Variants in LTBP1 observed in about 807,000 individuals in gnomAD.
The protein encoded by LTBP1 is latent transforming growth factor beta binding protein 1, also known as latent-transforming growth factor beta-binding protein 1.
Under a neutral mutation model 207.6 loss-of-function variants are expected in LTBP1, and 129 were observed. The observed-to-expected ratio is 0.62, with a 90% CI of 0.54 to 0.72. LTBP1 has a LOEUF of 0.72. LTBP1 is among the 30% of genes least tolerant of loss of function. The pLI is 0.00. For missense variants in LTBP1, 2,281 were observed against 2,217.2 expected, an observed-to-expected ratio of 1.03 and a Z score of -0.58; for synonymous variants, 963 against 833.7, an observed-to-expected ratio of 1.16 and a Z score of -2.67.
chr2:33,172,299 A>G (rs1445186875), intron 5 of LTBP1, among the ~76,000 whole-genome samples: 1 of 152,208 alleles, frequency 6.6e-6, no homozygotes, highest in African/African-American at 2.4e-5. Context: ...AAATAAAAGG[A>G]TGGAAGAAGA....
At chr2:33,080,781 C>G (rs1196329665) in intron 3 of LTBP1, among the ~76,000 whole-genome samples, 2 of 152,194 alleles carry the variant, frequency 1.3e-5, no homozygotes, top group East Asian at 1.9e-4. Flanking sequence ...CACATACATA[C>G]ACTTTCTTCA....
intron 4 of LTBP1, among the ~76,000 whole-genome samples, chr2:33,128,474 A>C (rs1304739087): frequency 6.6e-6 from 1 of 152,258 alleles, no homozygotes; most frequent in African/African-American, 2.4e-5. Flanking sequence ...ACATCTGCAC[A>C]TCCGGGTCCT....
chr2:33,204,929 A>G (rs555074136), intron 7 of LTBP1, among the ~76,000 whole-genome samples: 109 of 152,292 alleles, frequency 7.2e-4, no homozygotes, highest in African/African-American at 2.5e-3. Flanking sequence ...CTCTCTTTCC[A>G]TTTTAGCAAA....
rs188035250 is a variant in LTBP1, at chr2:33,155,605, C to A, written c.1201+20645C>A. Among the ~76,000 whole-genome samples, 42 of 152,182 alleles carry A rather than the reference C, an allele frequency of 2.8e-4. 1 individual carries two copies. The South Asian group carries it at 8.7e-3, about 32-fold the overall frequency. ...CTATTAGATTCAAGTAGCAACCCCCCATCTCACCACCACCAAGAAGTCTCT... is the reference window on the plus strand; with the variant it reads ...CTATTAGATTCAAGTAGCAACCCCCAATCTCACCACCACCAAGAAGTCTCT... On this transcript the variant is annotated intron_variant, in intron 5 of 33. Coordinates refer to ENST00000404816, the MANE Select transcript of LTBP1 (RefSeq NM_206943.4).
chr2:33,316,423 C>G (rs922110075), intron 24 of LTBP1, among the ~76,000 whole-genome samples: 1 of 152,202 alleles, frequency 6.6e-6, no homozygotes, highest in Admixed American at 6.5e-5. Context: ...TGCCAGCAAC[C>G]AGGTTCATCT....
At chr2:33,240,406 G>T (rs886541230) in intron 9 of LTBP1, among the ~76,000 whole-genome samples, 5 of 152,198 alleles carry the variant, frequency 3.3e-5, no homozygotes, top group Non-Finnish European at 7.3e-5. Context: ...AATGCGTTCA[G>T]TTCAACCAAT....
At chr2:33,008,193 A>G (rs1398036486) in intron 2 of LTBP1, among the ~76,000 whole-genome samples, 2 of 152,262 alleles carry the variant, frequency 1.3e-5, no homozygotes, top group African/African-American at 4.8e-5. Context: ...CTTTTCAAAC[A>G]GATTATACAT....
At chr2:33,320,616 A>T (rs931169760) in intron 24 of LTBP1, among the ~76,000 whole-genome samples, 2 of 152,210 alleles carry the variant, frequency 1.3e-5, no homozygotes, top group African/African-American at 4.8e-5. Flanking sequence ...ATAAAAGCCC[A>T]TCAATAAATA....
intron 3 of LTBP1, among the ~76,000 whole-genome samples, chr2:33,086,922 G>A (rs545920851): frequency 6.6e-6 from 1 of 151,648 alleles, no homozygotes; most frequent in East Asian, 1.9e-4. Flanking sequence ...TCCCCATCTT[G>A]TGGATATTTG....
At chr2:33,259,530 T>G (rs1171645378) in intron 12 of LTBP1, 58 bp from the exon 13 acceptor site, 1 of 1,212,974 alleles carries the variant, frequency 8.2e-7, no homozygotes, top group Non-Finnish European at 1.2e-6. Flanking sequence ...AGAATTGAAA[T>G]ATAATAGACT....
chr2:33,007,099 C>G (rs778184133), intron 2 of LTBP1, among the ~76,000 whole-genome samples: 1 of 152,198 alleles, frequency 6.6e-6, no homozygotes, highest in Non-Finnish European at 1.5e-5. Context: ...GAGTCTCACT[C>G]TGTCGCCCAG....
chr2:33,010,404 A>G (rs150534237), intron 2 of LTBP1, among the ~76,000 whole-genome samples: 99 of 152,314 alleles, frequency 6.5e-4, no homozygotes, highest in African/African-American at 1.8e-3. Flanking sequence ...GAAATTGGTT[A>G]ATGAGCACAA....
At chr2:33,217,695 A>C (rs754568742) in intron 8 of LTBP1, 41 bp downstream of exon 8, 1 of 1,425,828 alleles carries the variant, frequency 7.0e-7, no homozygotes, top group Non-Finnish European at 9.9e-7. Flanking sequence ...TTAATGTAGC[A>C]TATCTGTTTT....
chr2:33,291,813 A>C (rs1354349024), intron 19 of LTBP1: 1 of 152,240 alleles, frequency 6.6e-6, no homozygotes, highest in Non-Finnish European at 1.5e-5. Flanking sequence ...GTCTTAATAC[A>C]GTGCAAATGC....
Position 33,346,408 on chromosome 2 carries a change from G to T in LTBP1, c.3857-959G>T, listed in dbSNP as rs56191261. ...GAATTAAGAACTGAGAGTAGGCCAG[G>T]CGTGGTGGCTCACGTCTGTAATCCC... is the stretch of plus-strand genomic sequence containing the variant. On this transcript the variant is annotated intron_variant, in intron 25 of 33. Coordinates refer to ENST00000404816, the MANE Select transcript of LTBP1 (RefSeq NM_206943.4). 5.0e-3 allele frequency among the ~76,000 whole-genome samples: 757 copies of T among 152,236 alleles called. 8 individuals are homozygous for T. Among genetic ancestry groups the T allele is most frequent in the African/African-American group, 0.017 (701 of 41,538 alleles).
intron 3 of LTBP1, among the ~76,000 whole-genome samples, chr2:33,076,656 C>T (rs2078098476): frequency 6.6e-6 from 1 of 152,090 alleles, no homozygotes; most frequent in Non-Finnish European, 1.5e-5. Flanking sequence ...ACTACCTCAG[C>T]CTCCCAAGTA....
At chr2:33,361,796 T>C (rs542384522) in intron 28 of LTBP1, among the ~76,000 whole-genome samples, 33 of 152,314 alleles carry the variant, frequency 2.2e-4, no homozygotes, top group African/African-American at 7.9e-4. Flanking sequence ...GATTAAGATA[T>C]ATATCTGAAA....
intron 15 of LTBP1, among the ~76,000 whole-genome samples, chr2:33,269,627 G>C (rs1445822895): frequency 6.6e-6 from 1 of 152,186 alleles, no homozygotes; most frequent in African/African-American, 2.4e-5. Context: ...ATCAGACAGA[G>C]CCCAGTTTCT....
At chr2:33,223,771 T>A (rs1377446464) in intron 9 of LTBP1, among the ~76,000 whole-genome samples, 2 of 152,186 alleles carry the variant, frequency 1.3e-5, no homozygotes. Flanking sequence ...TGTTCATTAT[T>A]GTCTTTTGGT....
Sources: allele counts gnomAD v4.1 joint callset (sites outside exome capture counted in the v4.1 genomes callset), GRCh38; gene constraint gnomAD v4.1.1; transcripts MANE v1.5; gene names NCBI Gene and HGNC (gene_info 2026-07-23, HGNC 2026-07-21).